RNF220: variants seen among roughly 807,000 people sequenced by gnomAD.
RNF220 encodes E3 ubiquitin-protein ligase RNF220.
A neutral mutation model predicts 67.1 loss-of-function variants in RNF220; 7 were observed. The ratio of observed to expected loss-of-function variants is 0.10; its 90% CI spans 0.06 to 0.20. The LOEUF is 0.20. Ranked by LOEUF, RNF220 falls within the 10% of genes least tolerant of loss-of-function variation. The pLI is 1.00. For synonymous variants in RNF220, 270 were observed against 283.2 expected (o/e 0.95, Z 0.47); for missense variants, 565 against 740.3 (o/e 0.76, Z 2.75).
At chr1:44,489,873 A>G (rs1363775758) in intron 2 of RNF220, among the ~76,000 whole-genome samples, 1 of 152,160 alleles carries the variant, frequency 6.6e-6, no homozygotes, top group Non-Finnish European at 1.5e-5. Flanking sequence ...TCGCAGCTCT[A>G]AGTCTTTACT....
intron 2 of RNF220, among the ~76,000 whole-genome samples, chr1:44,573,620 G>A (rs1033641143): frequency 1.3e-5 from 2 of 152,164 alleles, no homozygotes; most frequent in African/African-American, 4.8e-5. Flanking sequence ...GGATATAGGG[G>A]TCTGATTTCC....
At chr1:44,525,520 C>A (rs1660302334) in intron 2 of RNF220, among the ~76,000 whole-genome samples, 1 of 152,182 alleles carries the variant, frequency 6.6e-6, no homozygotes, top group South Asian at 2.1e-4. Context: ...TGTTTACCCC[C>A]CTACTACTGT....
chr1:44,514,009 T>C (rs1659252852), intron 2 of RNF220, among the ~76,000 whole-genome samples: 1 of 152,256 alleles, frequency 6.6e-6, no homozygotes, highest in South Asian at 2.1e-4. Context: ...CCCTTCATAG[T>C]ATCACCACAG....
At chr1:44,580,054 AAAAGAAAGAAAAG>A (rs1665143866) in intron 2 of RNF220, among the ~76,000 whole-genome samples, 2 of 143,644 alleles carry the variant, frequency 1.4e-5, no homozygotes, top group South Asian at 2.1e-4. Context: ...AAAAAAAAAA[AAAAGAAAGAAAAG>A]AAAGAAAGAA....
rs192128042 is a variant in RNF220, at chr1:44,447,408, T to G, written c.625+34686T>G. ...CCCCTAAATATCTTTCAAATCTATA[T>G]ACATATCTCTGTTCTCCCCGCTACA... On this transcript the variant is annotated intron_variant, in intron 2 of 14. Transcript: ENST00000361799. Among the ~76,000 whole-genome samples, 13 of 152,364 alleles carry G rather than the reference T, an allele frequency of 8.5e-5. No homozygotes were observed. The East Asian group carries it at 2.5e-3, about 29-fold the overall frequency.
At chr1:44,405,996 G>A (rs1392863706) in intron 1 of RNF220, among the ~76,000 whole-genome samples, 1 of 152,160 alleles carries the variant, frequency 6.6e-6, no homozygotes, top group African/African-American at 2.4e-5. Context: ...TGATTTCCGG[G>A]CTCCCCTATG....
intron 2 of RNF220, among the ~76,000 whole-genome samples, chr1:44,574,215 C>G (rs1664651748): frequency 6.6e-6 from 1 of 152,272 alleles, no homozygotes; most frequent in South Asian, 2.1e-4. Context: ...CACATTTCCC[C>G]AGCTGGGCCA....
At chr1:44,644,906 C>A in intron 9 of RNF220, 89 bp from the exon 10 acceptor site, 1 of 1,553,678 alleles carries the variant, frequency 6.4e-7, no homozygotes. Context: ...AGAGTCTCAG[C>A]TTTGGCCAGG....
At chr1:44,430,689 C>T (rs916478223) in intron 2 of RNF220, among the ~76,000 whole-genome samples, 2 of 152,112 alleles carry the variant, frequency 1.3e-5, no homozygotes, top group Non-Finnish European at 2.9e-5. Context: ...GGATTATAGG[C>T]GCCTGCCACC....
chr1:44,532,668 G>A (rs989705798), intron 2 of RNF220, among the ~76,000 whole-genome samples: 2 of 152,196 alleles, frequency 1.3e-5, no homozygotes, highest in Admixed American at 6.5e-5. Flanking sequence ...CCTTTCAAAG[G>A]GGAAGGAGGA....
chr1:44,603,072 A>G (rs1402909972), intron 2 of RNF220, among the ~76,000 whole-genome samples: 6 of 152,202 alleles, frequency 3.9e-5, no homozygotes, highest in Non-Finnish European at 7.3e-5. Flanking sequence ...ATGAAAAATG[A>G]CAGAAATATT....
intron 2 of RNF220, among the ~76,000 whole-genome samples, chr1:44,459,555 G>A (rs4660800): frequency 0.27 from 40,526 of 151,596 alleles, 5,673 homozygotes; most frequent in South Asian, 0.31. Flanking sequence ...CCCAGGAGAC[G>A]AAGTAAGGGT....
At chr1:44,445,237 T>C (rs904848162) in intron 2 of RNF220, among the ~76,000 whole-genome samples, 5 of 152,232 alleles carry the variant, frequency 3.3e-5, no homozygotes, top group African/African-American at 1.2e-4. Context: ...GTAGGCTTAG[T>C]ATTTCTTCTG....
intron 2 of RNF220, among the ~76,000 whole-genome samples, chr1:44,593,187 G>T (rs1003375750): frequency 2.6e-5 from 4 of 152,140 alleles, no homozygotes; most frequent in African/African-American, 9.7e-5. Context: ...CCTTTTCCCT[G>T]TTCCATCCCA....
rs1488960054 is a variant in RNF220 at position 44,417,477 on chromosome 1, C to T, written c.625+4755C>T. Among the ~76,000 whole-genome samples, 2 of 152,094 alleles carry T rather than the reference C, an allele frequency of 1.3e-5. No homozygotes were observed. The highest frequency in any genetic ancestry group is 1.9e-4 in the East Asian group (1 of 5,162). On this transcript the variant is annotated intron_variant, in intron 2 of 14. Coordinates refer to ENST00000361799, the MANE Select transcript of RNF220 (RefSeq NM_018150.4). This position sits in a 1 kb window ranked among gnomAD's most constrained non-coding sequence, Gnocchi z 4.0. The stretch of plus-strand genomic sequence containing the variant: ...GCTTGGCTTGGCTCGGCGCGCCGCT[C>T]GCCTGGCGGCTGGGCTCGCTGTAGT...
At position 44,500,036 on chromosome 1, in the gene RNF220, A is replaced by G. The variant is rs375511538; in HGVS notation, c.625+87314A>G. Reference sequence around the variant, plus strand: ...GACCCTGGACCAAGCCACTACTACTATCTCTCACCTAGACAATTTCAACAG... The same window carrying G: ...GACCCTGGACCAAGCCACTACTACTGTCTCTCACCTAGACAATTTCAACAG... On this transcript the variant is annotated intron_variant, in intron 2 of 14. Transcript: ENST00000361799. Among the ~76,000 whole-genome samples, 3 of 152,032 alleles carry G rather than the reference A, an allele frequency of 2.0e-5. No homozygotes were observed. In the East Asian group the frequency reaches 5.8e-4, roughly 29 times the overall value.
chr1:44,632,409 T>G, intron 6 of RNF220, 24 bp downstream of exon 6: 15 of 949,558 alleles, frequency 1.6e-5, no homozygotes, highest in Non-Finnish European at 2.1e-5. Context: ...GGCCCCTCCC[T>G]CCGCCCCACC....
chr1:44,614,942 G>A (rs540105988), intron 3 of RNF220, among the ~76,000 whole-genome samples: 4 of 152,340 alleles, frequency 2.6e-5, no homozygotes, highest in African/African-American at 9.6e-5. Flanking sequence ...GAATCTGTGA[G>A]GTCAGGAATT....
At position 44,622,550 on chromosome 1, in the gene RNF220, G is replaced by C. The variant is rs1026940199; in HGVS notation, c.759-192G>C. 6.6e-6 allele frequency among the ~76,000 whole-genome samples: 1 copy of C among 152,244 alleles called. No homozygotes were observed. Among genetic ancestry groups the C allele is most frequent in the African/African-American group, 2.4e-5 (1 of 41,466 alleles). On this transcript the variant is annotated intron_variant, in intron 3 of 14. Transcript: ENST00000361799. The surrounding 1 kb of genome is among the most constrained non-coding windows in gnomAD (Gnocchi z 4.3). ...GCCAGCACTAGCCCTTGGCCCAAGAGAGAGGCTGAGCCACTCAGCCCATGA... is the reference window on the plus strand; with the variant it reads ...GCCAGCACTAGCCCTTGGCCCAAGACAGAGGCTGAGCCACTCAGCCCATGA...
Sources: gnomAD v4.1 joint callset for allele counts (sites outside exome capture counted in the v4.1 genomes callset) on GRCh38, gnomAD v4.1.1 for gene constraint, Gnocchi (gnomAD v3.1) non-coding constraint, MANE v1.5 for transcripts, NCBI Gene and HGNC (gene_info 2026-07-23, HGNC 2026-07-21) for gene names.